Variants in ELF4 observed in about 807,000 individuals in gnomAD.
ELF4 encodes E74 like ETS transcription factor 4, also known as ETS-related transcription factor Elf-4.
ELF4 carries 10 observed loss-of-function variants against 31.7 expected under a neutral mutation model. The ratio of observed to expected loss-of-function variants is 0.32; its 90% CI spans 0.19 to 0.54. The LOEUF (loss-of-function observed/expected upper bound fraction) is 0.54, where lower values mean the gene tolerates loss of function less well. Ranked by LOEUF, ELF4 falls within the 20% of genes least tolerant of loss-of-function variation. The probability of loss-of-function intolerance (pLI) is 0.95; values close to 1 mark genes in which losing one functional copy is unlikely to be tolerated. For synonymous variants in ELF4, 208 were observed against 226.7 expected (o/e 0.92, Z 0.74); for missense variants, 418 against 522.0 (o/e 0.80, Z 1.94).
At chrX:130,094,684 CT>C (rs1766869410) in intron 1 of ELF4, among the ~76,000 whole-genome samples, 1 of 111,361 alleles carries the variant, frequency 9.0e-6, no homozygotes, top group South Asian at 3.8e-4. Context: ...CCCGCCGCCC[CT>C]GAGGGGAGTA....
chrX:130,102,882 G>A (rs867925824), intron 1 of ELF4, among the ~76,000 whole-genome samples: 1 of 55,525 alleles, frequency 1.8e-5, no homozygotes, highest in Non-Finnish European at 3.5e-5. Context: ...GAGAGAGAGA[G>A]AGAGAAAGAA....
At chrX:130,079,471 T>A (rs1183821250) in intron 2 of ELF4, among the ~76,000 whole-genome samples, 1 of 110,333 alleles carries the variant, frequency 9.1e-6, no homozygotes, top group African/African-American at 3.3e-5. Context: ...AAAATAAAAA[T>A]AAAAAATAAA....
In ELF4 at chrX:130,069,287, T is replaced by C. The variant is rs1193525992; in HGVS notation, c.1187+13A>G. The C allele has an allele frequency of 8.3e-7, 1 of 1,209,304 alleles. No individual in the cohort carries two copies. Among genetic ancestry groups the C allele is most frequent in the Non-Finnish European group, 1.1e-6 (1 of 894,962 alleles). On this transcript the variant is annotated intron_variant, in intron 8 of 8. Coordinates refer to ENST00000308167, the MANE Select transcript of ELF4 (RefSeq NM_001421.4). ...TACTATGTGAAGACTCATGCTGACC[T>C]GGGTGCCCTTACCTCACAGCTTTGG...
At chrX:130,111,842 G>T (rs1055344684), upstream of ELF4, among the ~76,000 whole-genome samples, 1 of 111,926 alleles carries the variant, frequency 8.9e-6, no homozygotes, top group African/African-American at 3.2e-5. Context: ...CATCAATACC[G>T]CCGCCTACGT....
intron 1 of ELF4, among the ~76,000 whole-genome samples, chrX:130,103,050 T>A (rs1462041034): frequency 9.0e-6 from 1 of 110,796 alleles, no homozygotes; most frequent in Admixed American, 9.7e-5. Context: ...GACCATAGAC[T>A]AAAATGTAAA....
chrX:130,108,674 G>C (rs1018493073), intron 1 of ELF4, among the ~76,000 whole-genome samples: 13 of 110,746 alleles, frequency 1.2e-4, no homozygotes, highest in African/African-American at 4.3e-4. Flanking sequence ...TCCAGGGGTG[G>C]GCGCCAGTTC....
chrX:130,066,409 C>CA lies in ELF4; in HGVS notation c.*311dup, dbSNP rs1932671263. 1.5e-5 allele frequency: 5 copies of CA among 337,173 alleles called. No individual in the cohort carries two copies. The South Asian group carries it at 3.2e-4, about 21-fold the overall frequency. The allele number at this position is 337,173 out of a possible 1,213,427, so 27.8% of individuals were successfully genotyped here. ...TAGAGCCAGGTAGAAGGGCTCTTCTCACAAAGCTGCTGCACAAACCCTGGC... is the reference window on the plus strand; with the variant it reads ...TAGAGCCAGGTAGAAGGGCTCTTCTCAACAAAGCTGCTGCACAAACCCTGGC... On this transcript the variant is annotated 3_prime_UTR_variant, in exon 9 of 9. Transcript: ENST00000308167.
At chrX:130,088,418 G>A (rs1243116879) in intron 1 of ELF4, among the ~76,000 whole-genome samples, 1 of 111,030 alleles carries the variant, frequency 9.0e-6, no homozygotes, top group Non-Finnish European at 1.9e-5. Flanking sequence ...CGCTAAGAAT[G>A]TTAAAAGATA....
chrX:130,104,801 G>A (rs765350247), intron 1 of ELF4, among the ~76,000 whole-genome samples: 3 of 111,849 alleles, frequency 2.7e-5, no homozygotes, highest in Non-Finnish European at 5.6e-5. Flanking sequence ...GAAGCTTCAG[G>A]AGAGTCAGGT....
intron 1 of ELF4, among the ~76,000 whole-genome samples, chrX:130,098,352 C>A (rs1933187681): frequency 8.9e-6 from 1 of 112,162 alleles, no homozygotes; most frequent in African/African-American, 3.2e-5. Context: ...CTCCTCGGCT[C>A]TTCTGTACTT....
chrX:130,084,830 C>A (rs1042719989), intron 1 of ELF4, among the ~76,000 whole-genome samples: 1 of 111,688 alleles, frequency 9.0e-6, no homozygotes, highest in Non-Finnish European at 1.9e-5. Flanking sequence ...GGAGTGAACC[C>A]CCCCTTCAGT....
chrX:130,104,708 T>C (rs1483013764), intron 1 of ELF4, among the ~76,000 whole-genome samples: 4 of 111,870 alleles, frequency 3.6e-5, no homozygotes, highest in Non-Finnish European at 7.5e-5. Context: ...GTTTGGCATA[T>C]AAATGTAGAG....
intron 1 of ELF4, among the ~76,000 whole-genome samples, chrX:130,099,535 C>G (rs1275320382): frequency 9.0e-6 from 1 of 111,399 alleles, no homozygotes; most frequent in Non-Finnish European, 1.9e-5. Flanking sequence ...GATCACGCCA[C>G]TGCACTCTAG....
chrX:130,065,030 G>A lies in ELF4; in HGVS notation c.*1691C>T, dbSNP rs1405226550. 5.8e-6 allele frequency: 1 copy of A among 171,928 alleles called. No homozygotes were observed. Among genetic ancestry groups the A allele is most frequent in the Non-Finnish European group, 1.1e-5 (1 of 89,836 alleles). The allele number at this position is 171,928 out of a possible 1,213,427, so 14.2% of individuals were successfully genotyped here. ...GCACAACCAAACACAGTGCCCTCCA[G>A]GGGGCAGGGAGAAGAAGAGTAGGAG... On this transcript the variant is annotated 3_prime_UTR_variant, in exon 9 of 9. Transcript: ENST00000308167.
intron 1 of ELF4, among the ~76,000 whole-genome samples, chrX:130,102,874 GAGAGAGAGAGAGAAAGAA>G (rs763368365): frequency 1.4e-3 from 106 of 78,437 alleles, no homozygotes; most frequent in Middle Eastern, 5.8e-3. Flanking sequence ...GAGAGAGAGA[GAGAGAGAGAGAGAAAGAA>G]AGAAAGAAAG....
chrX:130,069,095 G>A (rs757735205), intron 8 of ELF4, among the ~76,000 whole-genome samples: 1 of 110,683 alleles, frequency 9.0e-6, no homozygotes, highest in South Asian at 3.9e-4. Context: ...GTGGTGGTGG[G>A]TACCTGTAAT....
intron 1 of ELF4, among the ~76,000 whole-genome samples, chrX:130,089,524 A>AAC (rs1556211302): frequency 9.6e-6 from 1 of 103,926 alleles, no homozygotes; most frequent in East Asian, 2.9e-4. Context: ...AAAAAAAAAA[A>AAC]AAAAAAAAAA....
At chrX:130,100,627 G>T (rs1933236503) in intron 1 of ELF4, among the ~76,000 whole-genome samples, 1 of 111,642 alleles carries the variant, frequency 9.0e-6, no homozygotes. Context: ...GGAGCTGGTT[G>T]TACCCTCATA....
At chrX:130,073,581 G>A (rs1020583036) in intron 4 of ELF4, among the ~76,000 whole-genome samples, 2 of 112,001 alleles carry the variant, frequency 1.8e-5, no homozygotes, top group Non-Finnish European at 3.8e-5. Context: ...GTGCGATCTC[G>A]GCTAACTGCA....
Sources: gnomAD v4.1 joint callset for allele counts (sites outside exome capture counted in the v4.1 genomes callset) on GRCh38, gnomAD v4.1.1 for gene constraint, MANE v1.5 for transcripts, NCBI Gene and HGNC (gene_info 2026-07-23, HGNC 2026-07-21) for gene names.